Variants in RYR1 observed in about 807,000 individuals in gnomAD.
The protein encoded by RYR1 is ryanodine receptor 1.
In RYR1, 342 loss-of-function variants were observed where a neutral mutation model predicts 583.5. That is an observed-to-expected ratio of 0.59 (90% CI 0.54 to 0.64). The LOEUF (loss-of-function observed/expected upper bound fraction) is 0.64. RYR1 is among the 30% of genes least tolerant of loss of function. The pLI, the probability that RYR1 is intolerant of heterozygous loss-of-function variation, is 0.00. For synonymous variants in RYR1, 2,791 were observed against 2,822.5 expected (o/e 0.99, Z 0.35); for missense variants, 6,032 against 6,917.2 (o/e 0.87, Z 4.54).
At chr19:38,498,659 C>T (rs1274956784) in intron 42 of RYR1, among the ~76,000 whole-genome samples, 1 of 152,166 alleles carries the variant, frequency 6.6e-6, no homozygotes, top group East Asian at 1.9e-4. Context: ...ATTCATGCCT[C>T]CCCTTTCTAA....
intron 23 of RYR1, among the ~76,000 whole-genome samples, chr19:38,465,623 G>C (rs955360780): frequency 6.6e-6 from 1 of 152,144 alleles, no homozygotes; most frequent in Non-Finnish European, 1.5e-5. Flanking sequence ...AATTAGCCGG[G>C]TGTGGTGGCA....
rs924687841 is a variant in RYR1 at position 38,528,408 on chromosome 19, A to C, written c.10927A>C (p.Asn3643His). ...CTGTTTCCGTATGACGCCCCTGTACAACCTGCCCACGTAAGGCCCCCAGGG... is the reference window on the plus strand; with the variant it reads ...CTGTTTCCGTATGACGCCCCTGTACCACCTGCCCACGTAAGGCCCCCAGGG... ...VACFRMTPLY[N>H]LPTHRACNMF... Residue 3643 changes from asparagine (N) to histidine (H), a missense_variant, in exon 74 of 106, where the codon AAC becomes CAC. Physicochemically the swap from Asn to His is moderately conservative, Grantham distance 68. Transcript: ENST00000359596. 6 of 1,613,938 alleles carry C rather than the reference A, an allele frequency of 3.7e-6. No individual in the cohort carries two copies. In the African/African-American group the frequency reaches 6.7e-5, roughly 18 times the overall value.
Position 38,500,479 on chromosome 19 carries a change from ACT to A in RYR1, c.7324-124_7324-123del, listed in dbSNP as rs1294095550. 3 of 1,387,382 alleles carry A rather than the reference ACT, an allele frequency of 2.2e-6. No individual in the cohort carries two copies. Among genetic ancestry groups the A allele is most frequent in the Non-Finnish European group, 3.0e-6 (3 of 993,522 alleles). The allele number at this position is 1,387,382 out of a possible 1,614,324, so 85.9% of individuals were successfully genotyped here. On this transcript the variant is annotated intron_variant, in intron 45 of 105. Coordinates refer to ENST00000359596, the MANE Select transcript of RYR1 (RefSeq NM_000540.3). The surrounding 1 kb of genome is among the most constrained non-coding windows in gnomAD (Gnocchi z 5.9). ...ACAGGCAGAGGAACGAGGGCTGGAAACTCTAGACAGCCTCCTGAGAAAGAGGC... is the reference window on the plus strand; with the variant it reads ...ACAGGCAGAGGAACGAGGGCTGGAAACTAGACAGCCTCCTGAGAAAGAGGC...
chr19:38,482,371 TG>T (rs1829160953), intron 31 of RYR1, among the ~76,000 whole-genome samples: 2 of 151,932 alleles, frequency 1.3e-5, no homozygotes, highest in Non-Finnish European at 2.9e-5. Flanking sequence ...TCAGAGACAA[TG>T]TTGTTTGTGG....
At chr19:38,516,589 A>G (rs1460239339) in intron 65 of RYR1, among the ~76,000 whole-genome samples, 1 of 152,066 alleles carries the variant, frequency 6.6e-6, no homozygotes, top group African/African-American at 2.4e-5. Flanking sequence ...ACATAGCAAA[A>G]CCCCATCCAT....
At chr19:38,468,549 T>C (rs769246910) in intron 25 of RYR1, among the ~76,000 whole-genome samples, 2 of 152,210 alleles carry the variant, frequency 1.3e-5, no homozygotes, top group Non-Finnish European at 2.9e-5. Flanking sequence ...ACCCAATTTC[T>C]CATCCATCTA....
In RYR1 at chr19:38,473,440, G is replaced by A. The variant is rs755011605; in HGVS notation, c.3829G>A (p.Gly1277Ser). The change falls in exon 28 of 106, where the codon GGC (glycine) becomes AGC (serine). Residue 1277 changes from glycine (G) to serine (S), a missense_variant. Gly to Ser is a moderately conservative substitution (Grantham distance 56, BLOSUM62 0). This residue lies in a region of RYR1 where 2,627 missense variants were observed against 2,961.3 expected (regional missense o/e 0.89). Transcript: ENST00000359596. ...CCTGCGCCTGACCCACCGCACCTGG[G>A]GCTCCCAGAACAGCCTGGTGGAGAT... ...PCLRLTHRTW[G>S]SQNSLVEMLF... The A allele has an allele frequency of 3.7e-6, 6 of 1,613,920 alleles. No individual in the cohort carries two copies. Among genetic ancestry groups the A allele is most frequent in the South Asian group, 2.2e-5 (2 of 91,088 alleles).
chr19:38,502,859 A>C (rs770631558), intron 48 of RYR1, 21 bp from the exon 49 acceptor site: 2 of 1,607,090 alleles, frequency 1.2e-6, no homozygotes, highest in South Asian at 2.2e-5. Flanking sequence ...GGGATTCTAC[A>C]TCTTGTGCAT....
At chr19:38,511,124 C>T (rs1212894582) in intron 60 of RYR1, among the ~76,000 whole-genome samples, 1 of 151,850 alleles carries the variant, frequency 6.6e-6, no homozygotes, top group African/African-American at 2.4e-5. Flanking sequence ...ACTGAGACCC[C>T]ATTTCTACAA....
At position 38,504,912 on chromosome 19, in the gene RYR1, G is replaced by A. The variant is rs869312737; in HGVS notation, c.8231+1G>A. Reference sequence around the variant, plus strand: ...ATCCCCGGCCTGTGGAGACCCTCAAGTGAGGCCTGGGGGCTGGGAGACAGA... The same window carrying A: ...ATCCCCGGCCTGTGGAGACCCTCAAATGAGGCCTGGGGGCTGGGAGACAGA... On this transcript the variant is annotated splice_donor_variant, in intron 51 of 105. Transcript: ENST00000359596. LOFTEE classifies it high-confidence loss of function. 6.2e-7 allele frequency: 1 copy of A among 1,614,180 alleles called. No individual in the cohort carries two copies. Among genetic ancestry groups the A allele is most frequent in the Non-Finnish European group, 8.5e-7 (1 of 1,180,030 alleles).
intron 31 of RYR1, among the ~76,000 whole-genome samples, chr19:38,478,839 C>T (rs1968875317): frequency 6.6e-6 from 1 of 152,232 alleles, no homozygotes; most frequent in Non-Finnish European, 1.5e-5. Flanking sequence ...ACGATCTTGG[C>T]TCACTGCAAC....
chr19:38,515,202 A>T (rs1970907272), intron 64 of RYR1, 95 bp downstream of exon 64: 5 of 973,834 alleles, frequency 5.1e-6, no homozygotes, highest in Non-Finnish European at 8.1e-6. Flanking sequence ...AGCAGGGTAG[A>T]TGTTAAGAAT....
At chr19:38,486,257 C>T in intron 34 of RYR1, 55 bp downstream of exon 34, 6 of 1,609,150 alleles carry the variant, frequency 3.7e-6, no homozygotes, top group East Asian at 4.5e-5. Context: ...ATTCCCAAAA[C>T]TCCAGAGATA....
chr19:38,494,451 A>G lies in RYR1; in HGVS notation c.6374A>G (p.His2125Arg), dbSNP rs775112843. 6.8e-6 allele frequency: 11 copies of G among 1,612,688 alleles called. No individual in the cohort carries two copies. In the Admixed American group the frequency reaches 1.8e-4, roughly 27 times the overall value. ...ELVRAMFSLLHRQYDGLGELL... is the reference protein window; with the variant it reads ...ELVRAMFSLLRRQYDGLGELL... ...GTGCGGGCCATGTTCAGCCTCCTGC[A>G]CCGGCAGTACGACGGGCTGGGTGAG... Residue 2125 changes from histidine to arginine, a missense_variant, in exon 39 of 106, where the codon CAC (histidine) becomes CGC (arginine). Around this residue, in one of 11 missense-constraint regions of RYR1, gnomAD observed 2,627 missense variants for 2,961.3 expected, o/e 0.89. Transcript: ENST00000359596.
chr19:38,450,602 T>C (rs999894747), intron 11 of RYR1, among the ~76,000 whole-genome samples: 4 of 151,894 alleles, frequency 2.6e-5, no homozygotes, highest in African/African-American at 9.7e-5. Flanking sequence ...GATGAGCTGG[T>C]GGGGAGGTGG....
At chr19:38,542,324 A>T (rs1046378860) in intron 84 of RYR1, among the ~76,000 whole-genome samples, 1 of 152,016 alleles carries the variant, frequency 6.6e-6, no homozygotes, top group Admixed American at 6.6e-5. Context: ...GGATAAATGC[A>T]TGAATATCCC....
At chr19:38,574,674 A>C (rs772839980) in intron 96 of RYR1, among the ~76,000 whole-genome samples, 2 of 152,076 alleles carry the variant, frequency 1.3e-5, no homozygotes, top group Non-Finnish European at 2.9e-5. Context: ...AAGTGCAATG[A>C]ATCAAAGCAC....
At position 38,446,527 on chromosome 19, in the gene RYR1, T is replaced by C; in HGVS notation, c.687T>C (p.Cys229=). 1 of 1,614,192 alleles carries C rather than the reference T, an allele frequency of 6.2e-7. No homozygotes were observed. The highest frequency in any genetic ancestry group is 8.5e-7 in the Non-Finnish European group (1 of 1,180,020). The change falls in exon 8 of 106, where the codon TGT becomes TGC. Residue 229 remains cysteine, a synonymous_variant. Transcript: ENST00000359596. ...TCTTTCATGGACATATGGATGAGTG[T>C]CTGACCATTTCCCCTGCTGACAGTG... ...LRLFHGHMDE[C]LTISPADSDD...
chr19:38,492,613 G>A lies in RYR1; in HGVS notation c.6251G>A (p.Arg2084Gln), dbSNP rs143681974. ...KKKEEKPEEERSAEESKPRSL... is the reference protein window; with the variant it reads ...KKKEEKPEEEQSAEESKPRSL... ...AAGGAAGAGAAACCTGAGGAGGAGC[G>A]GTCAGCAGAGGAGAGCAAACCCCGT... Residue 2084 changes from arginine to glutamine, a missense_variant, in exon 38 of 106, where the codon CGG becomes CAG. Physicochemically the swap from Arg to Gln is conservative, Grantham distance 43. This residue lies in a region of RYR1 where 2,627 missense variants were observed against 2,961.3 expected (regional missense o/e 0.89). Coordinates refer to ENST00000359596, the MANE Select transcript of RYR1 (RefSeq NM_000540.3). 65 of 1,612,878 alleles carry A rather than the reference G, an allele frequency of 4.0e-5. No homozygotes were observed. The African/African-American group carries it at 5.7e-4, about 14-fold the overall frequency.
Sources: gnomAD v4.1 joint callset for allele counts (sites outside exome capture counted in the v4.1 genomes callset) on GRCh38, gnomAD v4.1.1 for gene constraint, gnomAD v4.1.1 regional missense constraint, Gnocchi (gnomAD v3.1) non-coding constraint, MANE v1.5 for transcripts, NCBI Gene and HGNC (gene_info 2026-07-23, HGNC 2026-07-21) for gene names.